The following P4HTM variants were observed in gnomAD, a reference collection of about 807,000 sequenced individuals.
P4HTM encodes transmembrane prolyl 4-hydroxylase.
In P4HTM, 33 loss-of-function variants were observed where a neutral mutation model predicts 55.3. That is an observed-to-expected ratio of 0.60 (90% CI 0.45 to 0.80). P4HTM has a LOEUF of 0.80. Among genes scored for constraint, P4HTM ranks in the 30% least tolerant of loss-of-function variants. The pLI, the probability that P4HTM is intolerant of heterozygous loss-of-function variation, is 0.00. For synonymous variants in P4HTM, 272 were observed against 286.4 expected (o/e 0.95, Z 0.51); for missense variants, 542 against 696.5 (o/e 0.78, Z 2.50).
At chr3:48,994,418 A>C (rs375143907) in intron 2 of P4HTM, among the ~76,000 whole-genome samples, 1 of 152,166 alleles carries the variant, frequency 6.6e-6, no homozygotes, top group Non-Finnish European at 1.5e-5. Context: ...AGGGAACCCT[A>C]GCACTTCTCA....
intron 2 of P4HTM, among the ~76,000 whole-genome samples, chr3:48,994,777 T>C (rs866114605): frequency 6.6e-6 from 1 of 152,064 alleles, no homozygotes; most frequent in Admixed American, 6.6e-5. Context: ...CTCATGGCTC[T>C]CTCTTTTTGT....
In P4HTM at chr3:49,001,636, T is replaced by C. The variant is rs1316847978; in HGVS notation, c.627+8T>C. 3 of 1,606,660 alleles carry C rather than the reference T, an allele frequency of 1.9e-6. No individual in the cohort carries two copies. In the African/African-American group the frequency reaches 4.0e-5, roughly 21 times the overall value. ...CACCTTCAGCTCCGTGAGGTTGGAA[T>C]CCTGGGACCTGAGTAGGCTCAGGGT... is the stretch of plus-strand genomic sequence containing the variant. On this transcript the variant is annotated splice_region_variant and intron_variant, in intron 3 of 8. Transcript: ENST00000383729.
At position 48,999,146 on chromosome 3, in the gene P4HTM, TAGGTGCTC is replaced by T. The variant is rs1165542514; in HGVS notation, c.437-2281_437-2274del. 2 of 152,182 alleles carry T rather than the reference TAGGTGCTC, an allele frequency of 1.3e-5. No homozygotes were observed. The highest frequency in any genetic ancestry group is 2.9e-5 in the Non-Finnish European group (2 of 68,066). 9.4% of individuals were successfully genotyped at this position (152,182 alleles called of 1,614,324 possible). On this transcript the variant is annotated intron_variant, in intron 2 of 8. Coordinates refer to ENST00000383729, the MANE Select transcript of P4HTM (RefSeq NM_177939.3). The surrounding 1 kb of genome is among the most constrained non-coding windows in gnomAD (Gnocchi z 4.8). Reference sequence around the variant, plus strand: ...TGTGCCTGTCAGCGCCCAGCCCTGATAGGTGCTCAGGTGCTCAGCAAGGATTACTGAAG... The same window carrying T: ...TGTGCCTGTCAGCGCCCAGCCCTGATAGGTGCTCAGCAAGGATTACTGAAG...
At position 48,990,821 on chromosome 3, in the gene P4HTM, C is replaced by T. The variant is rs1343087246; in HGVS notation, c.355-12C>T. On this transcript the variant is annotated splice_polypyrimidine_tract_variant and intron_variant, in intron 1 of 8. Coordinates refer to ENST00000383729, the MANE Select transcript of P4HTM (RefSeq NM_177939.3). This position sits in a 1 kb window ranked among gnomAD's most constrained non-coding sequence, Gnocchi z 7.2. ...TGGCGCCCCAGCTGCCCGCTGTGCG[C>T]CTTTTCCTTAGGTGGGGCACGAGCG... 2 of 1,612,990 alleles carry T rather than the reference C, an allele frequency of 1.2e-6. No individual in the cohort carries two copies. The highest frequency in any genetic ancestry group is 2.2e-5 in the East Asian group (1 of 44,856).
chr3:48,998,998 G>A (rs540039798), intron 2 of P4HTM, among the ~76,000 whole-genome samples: 122 of 152,206 alleles, frequency 8.0e-4, no homozygotes, highest in Middle Eastern at 3.4e-3. Flanking sequence ...AGCCTGAAGC[G>A]ACTTGTCCAC....
Position 49,001,392 on chromosome 3 carries a change from G to C in P4HTM, c.437-46G>C. On this transcript the variant is annotated intron_variant, in intron 2 of 8. Coordinates refer to ENST00000383729, the MANE Select transcript of P4HTM (RefSeq NM_177939.3). ...AGGGAGGAAGGTACTGGGTGCACCA[G>C]CGCCCTGGCTCAGTCCTTGGCCTCA... is the stretch of plus-strand genomic sequence containing the variant. The C allele has an allele frequency of 1.9e-6, 3 of 1,589,526 alleles. No homozygotes were observed. In the Admixed American group the frequency reaches 5.0e-5, roughly 27 times the overall value.
In P4HTM at chr3:48,995,509, A is replaced by C. The variant is rs966207268; in HGVS notation, c.436+4595A>C. Among the ~76,000 whole-genome samples, 12 of 152,286 alleles carry C rather than the reference A, an allele frequency of 7.9e-5. 1 individual carries two copies. Among genetic ancestry groups the C allele is most frequent in the South Asian group, 6.2e-4 (3 of 4,832 alleles). Reference sequence around the variant, plus strand: ...TGTGTCATTTGTACCTCTGCCCACAAAGGTGAGCTGCATATGTAAGAGGAC... The same window carrying C: ...TGTGTCATTTGTACCTCTGCCCACACAGGTGAGCTGCATATGTAAGAGGAC... On this transcript the variant is annotated intron_variant, in intron 2 of 8. Transcript: ENST00000383729.
intron 5 of P4HTM, chr3:49,004,657 C>T (rs1287131289): frequency 3.1e-5 from 19 of 603,242 alleles, no homozygotes; most frequent in Non-Finnish European, 5.0e-5. Flanking sequence ...TAGCAGGTGT[C>T]TCTGTCTTTG....
At chr3:49,001,370 G>A (rs1224835230) in intron 2 of P4HTM, 68 bp from the exon 3 acceptor site, 12 of 1,465,724 alleles carry the variant, frequency 8.2e-6, no homozygotes, top group African/African-American at 1.4e-5. Flanking sequence ...ACCCTGAAGG[G>A]AGGAAGGTAC....
At chr3:49,001,822 T>C (rs2092962086) in intron 3 of P4HTM, among the ~76,000 whole-genome samples, 194 bp downstream of exon 3, 1 of 152,328 alleles carries the variant, frequency 6.6e-6, no homozygotes, top group East Asian at 1.9e-4. Context: ...CCTCAGAAGA[T>C]GGCAGGAGAA....
intron 5 of P4HTM, chr3:49,004,541 C>T (rs931123890): frequency 1.5e-5 from 8 of 551,540 alleles, no homozygotes; most frequent in Non-Finnish European, 2.2e-5. Flanking sequence ...TTATCTGACC[C>T]CGTCACAGCA....
In P4HTM at chr3:49,005,129, G is replaced by A. The variant is rs199566450; in HGVS notation, c.1073+83G>A. The A allele has an allele frequency of 1.0e-4, 169 of 1,612,392 alleles. 1 individual carries two copies. The highest frequency in any genetic ancestry group is 7.1e-4 in the African/African-American group (53 of 75,054). On this transcript the variant is annotated intron_variant, in intron 6 of 8. Coordinates refer to ENST00000383729, the MANE Select transcript of P4HTM (RefSeq NM_177939.3). ...ACAGGCACAGCCCTGCACTGTGGGC[G>A]TGCCCCTTGGCATGGGGCCAGGAGA...
chr3:49,005,169 C>T (rs769131704), intron 6 of P4HTM, 123 bp downstream of exon 6: 12 of 1,602,386 alleles, frequency 7.5e-6, no homozygotes, highest in East Asian at 6.7e-5. Context: ...TGGGTTATCC[C>T]GGTTAGTGAT....
intron 6 of P4HTM, chr3:49,005,341 T>G: frequency 7.0e-7 from 1 of 1,425,472 alleles, no homozygotes; most frequent in South Asian, 1.5e-5. Flanking sequence ...TAGCTTGTCC[T>G]GCCCATTCCT....
Position 49,007,150 on chromosome 3 carries a change from C to T in P4HTM, c.*243C>T. 1 of 749,894 alleles carries T rather than the reference C, an allele frequency of 1.3e-6. No homozygotes were observed. The highest frequency in any genetic ancestry group is 2.1e-6 in the Non-Finnish European group (1 of 474,904). 46.5% of individuals were successfully genotyped at this position (749,894 alleles called of 1,614,324 possible). On this transcript the variant is annotated 3_prime_UTR_variant, in exon 9 of 9. Transcript: ENST00000383729. This position sits in a 1 kb window ranked among gnomAD's most constrained non-coding sequence, Gnocchi z 5.1. The stretch of plus-strand genomic sequence containing the variant: ...CCCGACAAACTCCGGGTCGGCGAAA[C>T]AGAGTCCGCGATAGGTGCAGCGGGC...
intron 2 of P4HTM, among the ~76,000 whole-genome samples, chr3:49,000,568 A>G (rs1339487913): frequency 1.3e-5 from 2 of 152,108 alleles, no homozygotes; most frequent in South Asian, 4.1e-4. Context: ...CCTCCAGTGA[A>G]GACCGCTCTC....
chr3:49,004,098 G>T lies in P4HTM; in HGVS notation c.725G>T (p.Gly242Val). 1 of 1,556,652 alleles carries T rather than the reference G, an allele frequency of 6.4e-7. No homozygotes were observed. Among genetic ancestry groups the T allele is most frequent in the Non-Finnish European group, 8.7e-7 (1 of 1,150,618 alleles). ...CATTGATGGTGGGTGCCCTGTGCAG[G>T]AGTGCTGAGTCTGCAGGAGTTCTCC... ...AAIKADPDGD[G>V]VLSLQEFSNM... The change falls in exon 5 of 9, where the codon GGA becomes GTA. Residue 242 changes from glycine (G) to valine (V), a missense_variant and splice_region_variant. This residue lies in a region of P4HTM where 536 missense variants were observed against 672.1 expected (regional missense o/e 0.80). Transcript: ENST00000383729.
At position 48,990,979 on chromosome 3, in the gene P4HTM, G is replaced by T; in HGVS notation, c.436+65G>T. The T allele has an allele frequency of 8.1e-7, 1 of 1,234,842 alleles. No individual in the cohort carries two copies. Among genetic ancestry groups the T allele is most frequent in the East Asian group, 2.4e-5 (1 of 41,292 alleles). The allele number at this position is 1,234,842 out of a possible 1,614,324, so 76.5% of individuals were successfully genotyped here. ...CGGTTTGGTGGCCACCTTGAGGCTC[G>T]TTGTGACCACGTGACCTCTATTTTG... On this transcript the variant is annotated intron_variant, in intron 2 of 8. Coordinates refer to ENST00000383729, the MANE Select transcript of P4HTM (RefSeq NM_177939.3). This position sits in a 1 kb window ranked among gnomAD's most constrained non-coding sequence, Gnocchi z 7.2.
At chr3:49,003,981 C>A (rs919503339) in intron 4 of P4HTM, 117 bp from the exon 5 acceptor site, 2 of 991,852 alleles carry the variant, frequency 2.0e-6, no homozygotes, top group African/African-American at 1.6e-5. Flanking sequence ...TACAAGGCCC[C>A]TCAGTGCCTG....
Sources: gnomAD v4.1 joint callset for allele counts (sites outside exome capture counted in the v4.1 genomes callset) on GRCh38, gnomAD v4.1.1 for gene constraint, gnomAD v4.1.1 regional missense constraint, Gnocchi (gnomAD v3.1) non-coding constraint, MANE v1.5 for transcripts, NCBI Gene and HGNC (gene_info 2026-07-23, HGNC 2026-07-21) for gene names.